Variants in CTNNA2 observed in about 807,000 individuals in gnomAD.
CTNNA2 encodes catenin alpha-2.
In CTNNA2, 42 loss-of-function variants were observed where a neutral mutation model predicts 101.0. That is an observed-to-expected ratio of 0.42 (90% CI 0.32 to 0.54). CTNNA2 has a LOEUF of 0.54. CTNNA2 is among the 20% of genes least tolerant of loss of function. CTNNA2 has a pLI of 0.14. For synonymous variants in CTNNA2, 450 were observed against 456.4 expected, an observed-to-expected ratio of 0.99 and a Z score of 0.18; for missense variants, 871 against 1,223.1, an observed-to-expected ratio of 0.71 and a Z score of 4.29.
intron 2 of CTNNA2, among the ~76,000 whole-genome samples, chr2:79,242,969 A>ATATATATAT (rs1674646204): frequency 9.4e-5 from 12 of 127,332 alleles, no homozygotes; most frequent in African/African-American, 3.2e-4. Flanking sequence ...CCTGTCTCGA[A>ATATATATAT]ATATATATAT....
chr2:79,639,420 T>C (rs997722101), intron 1 of CTNNA2, among the ~76,000 whole-genome samples: 6 of 152,158 alleles, frequency 3.9e-5, no homozygotes, highest in Non-Finnish European at 7.4e-5. Context: ...GATTGCACTT[T>C]TTGGCTAGAA....
chr2:79,226,962 C>T (rs747584291), intron 2 of CTNNA2, among the ~76,000 whole-genome samples: 1 of 132,068 alleles, frequency 7.6e-6, no homozygotes, highest in African/African-American at 2.9e-5. Context: ...AGATGGAGAG[C>T]TCTGAGGGAC....
chr2:80,415,906 AG>A (rs1318638817), intron 8 of CTNNA2, among the ~76,000 whole-genome samples: 1 of 152,174 alleles, frequency 6.6e-6, no homozygotes, highest in African/African-American at 2.4e-5. Flanking sequence ...ATGGACTTGG[AG>A]GGCACTGTGC....
At chr2:79,676,486 C>T (rs1337748614) in intron 2 of CTNNA2, among the ~76,000 whole-genome samples, 1 of 152,158 alleles carries the variant, frequency 6.6e-6, no homozygotes. Flanking sequence ...CGGTGAGATT[C>T]ATGGAGCACA....
At chr2:79,584,954 A>G (rs1162691881) in intron 1 of CTNNA2, among the ~76,000 whole-genome samples, 1 of 152,248 alleles carries the variant, frequency 6.6e-6, no homozygotes, top group Non-Finnish European at 1.5e-5. Flanking sequence ...TGGGGTTTAT[A>G]TGAATTAATG....
chr2:80,531,463 G>C (rs1279895398), intron 9 of CTNNA2, among the ~76,000 whole-genome samples: 2 of 152,212 alleles, frequency 1.3e-5, no homozygotes, highest in Non-Finnish European at 2.9e-5. Flanking sequence ...GGTTAGAGAG[G>C]CCTCTAGAGT....
chr2:80,011,356 A>T lies in CTNNA2; in HGVS notation c.1056+101559A>T, dbSNP rs116801333. On this transcript the variant is annotated intron_variant, in intron 7 of 18. Transcript: ENST00000402739. ...CGTATATAGAAATATGACAGAAAAT[A>T]AAGAGTTGCTCTAGTTGAAGTTGGA... Among the ~76,000 whole-genome samples the T allele has an allele frequency of 6.4e-3, 975 of 152,304 alleles. 9 individuals carry two copies. The highest frequency in any genetic ancestry group is 0.021 in the African/African-American group (867 of 41,576).
rs373115280 is a variant in CTNNA2 at position 79,346,899 on chromosome 2, T to A, written c.-317-26932T>A. 1.5e-4 allele frequency among the ~76,000 whole-genome samples: 23 copies of A among 152,312 alleles called. No individual in the cohort carries two copies. In the East Asian group the frequency reaches 3.3e-3, roughly 22 times the overall value. ...AAAGATGCTTATTTTCATAATGTTT[T>A]GCATCTCTCTAGAAAGTTTCTTCAG... is the stretch of plus-strand genomic sequence containing the variant. On this transcript the variant is annotated intron_variant, in intron 3 of 21. Coordinates refer to the CTNNA2 transcript ENST00000466387.
chr2:79,191,642 G>A (rs115802709), intron 1 of CTNNA2, among the ~76,000 whole-genome samples: 11 of 152,290 alleles, frequency 7.2e-5, no homozygotes, highest in Admixed American at 5.2e-4. Context: ...CTTGCAGGCT[G>A]GGAAGCACAG....
chr2:80,562,157 G>GT lies in CTNNA2; in HGVS notation c.1741+6266dup, dbSNP rs575005178. ...TTAGGACTGTTAACCTTTGAACCAG[G>GT]TTACCAGTATTTTCATTCAGACAGG... On this transcript the variant is annotated intron_variant, in intron 12 of 18. Coordinates refer to ENST00000402739, the MANE Select transcript of CTNNA2 (RefSeq NM_001282597.3). 2.7e-3 allele frequency among the ~76,000 whole-genome samples: 360 copies of GT among 131,494 alleles called. 3 individuals are homozygous for GT. The highest frequency in any genetic ancestry group is 9.3e-3 in the Middle Eastern group (2 of 214). The allele number at this position is 131,494 out of a possible 152,430, so 86.3% of individuals were successfully genotyped here.
At chr2:80,562,904 C>A (rs1282357514) in intron 12 of CTNNA2, among the ~76,000 whole-genome samples, 1 of 151,738 alleles carries the variant, frequency 6.6e-6, no homozygotes, top group Non-Finnish European at 1.5e-5. Context: ...TTTATTCTAA[C>A]AATAAAACCC....
intron 18 of CTNNA2, among the ~76,000 whole-genome samples, chr2:80,619,993 G>A (rs1573476938): frequency 6.6e-6 from 1 of 151,844 alleles, no homozygotes; most frequent in East Asian, 1.9e-4. Context: ...ATCAACTGGA[G>A]CGGGCACTTT....
intron 9 of CTNNA2, among the ~76,000 whole-genome samples, chr2:80,535,552 A>G (rs926491605): frequency 3.3e-5 from 5 of 152,212 alleles, no homozygotes; most frequent in Non-Finnish European, 5.9e-5. Flanking sequence ...GAGTCAGAAC[A>G]TAAACCCTGG....
intron 3 of CTNNA2, among the ~76,000 whole-genome samples, chr2:79,765,997 A>G (rs1673123995): frequency 6.6e-6 from 1 of 152,152 alleles, no homozygotes; most frequent in South Asian, 2.1e-4. Context: ...TTGGGAACAA[A>G]TCCAGCTTTC....
chr2:80,222,732 G>A (rs576114086), intron 7 of CTNNA2, among the ~76,000 whole-genome samples: 8 of 152,270 alleles, frequency 5.3e-5, no homozygotes, highest in African/African-American at 1.9e-4. Flanking sequence ...TAAAGCTTAC[G>A]TTCCCTATCA....
intron 1 of CTNNA2, among the ~76,000 whole-genome samples, chr2:79,555,171 C>G (rs1358217377): frequency 6.6e-6 from 1 of 152,086 alleles, no homozygotes; most frequent in Non-Finnish European, 1.5e-5. Context: ...CTTAGGATTC[C>G]TAGGTGACAA....
chr2:79,586,938 A>T (rs958809365), intron 1 of CTNNA2, among the ~76,000 whole-genome samples: 2 of 151,650 alleles, frequency 1.3e-5, no homozygotes, highest in East Asian at 3.9e-4. Flanking sequence ...TCCATTGCTG[A>T]GTTACTTCAC....
intron 2 of CTNNA2, among the ~76,000 whole-genome samples, chr2:79,287,521 G>A (rs1259906518): frequency 2.0e-5 from 3 of 148,412 alleles, no homozygotes; most frequent in East Asian, 1.9e-4. Context: ...GCCGTGTGAG[G>A]TGTCAGTCTG....
rs552977213 is a variant in CTNNA2 at position 79,998,712 on chromosome 2, C to A, written c.1056+88915C>A. On this transcript the variant is annotated intron_variant, in intron 7 of 18. Transcript: ENST00000402739. ...AGAAATGAAAGGAAAGCAGTCATAT[C>A]TTTTCATCATTGCCTAACCCCTTTA... Among the ~76,000 whole-genome samples, 4 of 152,266 alleles carry A rather than the reference C, an allele frequency of 2.6e-5. 1 individual carries two copies. Among genetic ancestry groups the A allele is most frequent in the African/African-American group, 9.6e-5 (4 of 41,576 alleles).
Sources: gnomAD v4.1 joint callset for allele counts (sites outside exome capture counted in the v4.1 genomes callset) on GRCh38, gnomAD v4.1.1 for gene constraint, MANE v1.5 for transcripts, NCBI Gene and HGNC (gene_info 2026-07-23, HGNC 2026-07-21) for gene names.